The following CHRM2 variants were observed in gnomAD, a reference collection of about 807,000 sequenced individuals.
The protein encoded by CHRM2 is cholinergic receptor muscarinic 2, also known as muscarinic acetylcholine receptor M2.
Under a neutral mutation model 25.0 loss-of-function variants are expected in CHRM2, and 8 were observed. That is an observed-to-expected ratio of 0.32 (90% CI 0.19 to 0.58). The LOEUF is 0.58. Ranked by LOEUF, CHRM2 falls within the 20% of genes least tolerant of loss-of-function variation. CHRM2 has a pLI of 0.88. For synonymous variants in CHRM2, 202 were observed against 205.7 expected (o/e 0.98, Z 0.15); for missense variants, 440 against 567.1 (o/e 0.78, Z 2.28).
chr7:137,010,122 T>C (rs974700186), intron 3 of CHRM2, among the ~76,000 whole-genome samples: 1 of 152,090 alleles, frequency 6.6e-6, no homozygotes, highest in African/African-American at 2.4e-5. Context: ...ATTATTCCTG[T>C]TTGAGAAAAA....
chr7:136,883,655 CTCTT>C (rs1360601286), intron 2 of CHRM2, among the ~76,000 whole-genome samples: 2 of 152,086 alleles, frequency 1.3e-5, no homozygotes, highest in African/African-American at 4.8e-5. Context: ...GCTATAAAAA[CTCTT>C]TCTTTGTTAT....
chr7:136,927,342 T>C (rs1584769336), intron 2 of CHRM2, among the ~76,000 whole-genome samples: 1 of 152,142 alleles, frequency 6.6e-6, no homozygotes, highest in African/African-American at 2.4e-5. Flanking sequence ...TATGTGACCT[T>C]AGATAAATTG....
intron 2 of CHRM2, among the ~76,000 whole-genome samples, chr7:136,880,118 A>G (rs528793223): frequency 5.4e-4 from 81 of 151,102 alleles, no homozygotes; most frequent in Middle Eastern, 3.4e-3. Flanking sequence ...CTTAGTGCGT[A>G]AGGTTTGTTA....
chr7:136,876,959 T>A (rs1318776463), intron 2 of CHRM2, among the ~76,000 whole-genome samples: 1 of 152,110 alleles, frequency 6.6e-6, no homozygotes, highest in Non-Finnish European at 1.5e-5. Flanking sequence ...GACACTTTAT[T>A]CCTCTTGTAA....
chr7:136,970,108 G>A (rs182690159), intron 2 of CHRM2, among the ~76,000 whole-genome samples: 1 of 152,138 alleles, frequency 6.6e-6, no homozygotes, highest in Non-Finnish European at 1.5e-5. Flanking sequence ...CATTCCAAAT[G>A]CCCCATCTCA....
At chr7:136,952,832 T>C (rs1800494345) in intron 2 of CHRM2, among the ~76,000 whole-genome samples, 1 of 152,198 alleles carries the variant, frequency 6.6e-6, no homozygotes, top group Non-Finnish European at 1.5e-5. Context: ...TTTGGTTTTC[T>C]GTTTCTGTGT....
At chr7:136,959,672 G>T (rs952246628) in intron 2 of CHRM2, among the ~76,000 whole-genome samples, 6 of 152,166 alleles carry the variant, frequency 3.9e-5, no homozygotes, top group African/African-American at 1.4e-4. Context: ...CAATACTTTG[G>T]GAGGCCGAGG....
chr7:136,938,490 C>T, intron 2 of CHRM2: 1 of 1,062,846 alleles, frequency 9.4e-7, no homozygotes, highest in East Asian at 2.4e-5. Flanking sequence ...TGTTGGGGTT[C>T]ACCTCTAGGA....
At chr7:136,985,623 G>A (rs573618487) in intron 2 of CHRM2, among the ~76,000 whole-genome samples, 2 of 151,202 alleles carry the variant, frequency 1.3e-5, no homozygotes, top group East Asian at 1.9e-4. Context: ...CATTTCAATC[G>A]TCCAAGATTA....
chr7:136,978,591 T>A (rs1310636863), intron 2 of CHRM2, among the ~76,000 whole-genome samples: 1 of 152,138 alleles, frequency 6.6e-6, no homozygotes, highest in East Asian at 1.9e-4. Flanking sequence ...CCTAATGCTA[T>A]CCCTTCCCTT....
chr7:136,947,615 T>A (rs1179354327), intron 2 of CHRM2, among the ~76,000 whole-genome samples: 2 of 152,214 alleles, frequency 1.3e-5, no homozygotes, highest in African/African-American at 4.8e-5. Context: ...TGCTAGGAAT[T>A]CTTCCTGTCT....
chr7:136,912,319 C>G (rs1234075233), intron 2 of CHRM2, among the ~76,000 whole-genome samples: 1 of 151,872 alleles, frequency 6.6e-6, no homozygotes, highest in Non-Finnish European at 1.5e-5. Context: ...TATTGAGTAC[C>G]TATCATGAGT....
chr7:136,880,992 A>T (rs952312700), intron 2 of CHRM2, among the ~76,000 whole-genome samples: 3 of 151,450 alleles, frequency 2.0e-5, no homozygotes, highest in Non-Finnish European at 4.4e-5. Context: ...TTTAACTTTT[A>T]CATAAGGTCA....
intron 2 of CHRM2, chr7:136,908,117 G>T (rs1797654019): frequency 6.6e-6 from 1 of 151,848 alleles, no homozygotes; most frequent in Admixed American, 6.6e-5. Flanking sequence ...CATGTTTAAG[G>T]ACTTAGTATG....
intron 2 of CHRM2, among the ~76,000 whole-genome samples, chr7:136,986,741 C>A (rs1162483742): frequency 6.6e-6 from 1 of 152,120 alleles, no homozygotes; most frequent in Non-Finnish European, 1.5e-5. Flanking sequence ...AAGCCGTATT[C>A]CTAAGCAGAT....
At chr7:136,897,935 A>G (rs1796994194) in intron 2 of CHRM2, among the ~76,000 whole-genome samples, 1 of 152,096 alleles carries the variant, frequency 6.6e-6, no homozygotes, top group South Asian at 2.1e-4. Flanking sequence ...TCTAATCTCT[A>G]TGCCCATTTC....
Position 137,014,977 on chromosome 7 carries a change from A to G in CHRM2, c.112A>G (p.Ile38Val). The G allele has an allele frequency of 6.2e-7, 1 of 1,613,320 alleles. No individual in the cohort carries two copies. The highest frequency in any genetic ancestry group is 8.5e-7 in the Non-Finnish European group (1 of 1,179,558). ...LVAGSLSLVT[I>V]IGNILVMVSI... is the part of the protein sequence containing the mutation. ...GGCTGGATCCCTCAGTTTGGTGACC[A>G]TTATCGGGAACATCCTAGTCATGGT... The change falls in exon 4 of 4, where the codon ATT becomes GTT. Residue 38 changes from isoleucine to valine, a missense_variant. Coordinates refer to ENST00000680005, the MANE Select transcript of CHRM2 (RefSeq NM_001006630.2).
rs1175305368 is a variant in CHRM2 at position 136,875,094 on chromosome 7, TACACATATATACATATATAC to T, written c.-125+5696_-125+5715del. ...ATATATATACACATATATACATATA[TACACATATATACATATATAC>T]ACACATATATACATATATATACACA... On this transcript the variant is annotated intron_variant, in intron 2 of 3. Coordinates refer to ENST00000680005, the MANE Select transcript of CHRM2 (RefSeq NM_001006630.2). Among the ~76,000 whole-genome samples the T allele has an allele frequency of 1.9e-3, 284 of 147,556 alleles. 1 individual carries two copies. Among genetic ancestry groups the T allele is most frequent in the African/African-American group, 6.8e-3 (275 of 40,582 alleles).
Position 137,015,491 on chromosome 7 carries a change from T to C in CHRM2, c.626T>C (p.Ile209Thr), listed in dbSNP as rs1805111369. 6.2e-7 allele frequency: 1 copy of C among 1,613,262 alleles called. No individual in the cohort carries two copies. Among genetic ancestry groups the C allele is most frequent in the Non-Finnish European group, 8.5e-7 (1 of 1,179,622 alleles). Reference protein sequence around the residue: ...VIIMTVLYWHISRASKSRIKK... With the variant: ...VIIMTVLYWHTSRASKSRIKK... ...ATCATGACTGTGCTATATTGGCACA[T>C]ATCCCGAGCCAGCAAGAGCAGGATA... The change falls in exon 4 of 4, where the codon ATA becomes ACA. Residue 209 changes from isoleucine to threonine, a missense_variant. This residue lies in a region of CHRM2 where 261 missense variants were observed against 261.8 expected (regional missense o/e 1.00). Coordinates refer to ENST00000680005, the MANE Select transcript of CHRM2 (RefSeq NM_001006630.2). The surrounding 1 kb of genome is among the most constrained non-coding windows in gnomAD (Gnocchi z 5.1).
Sources: gnomAD v4.1 joint callset for allele counts (sites outside exome capture counted in the v4.1 genomes callset) on GRCh38, gnomAD v4.1.1 for gene constraint, gnomAD v4.1.1 regional missense constraint, Gnocchi (gnomAD v3.1) non-coding constraint, MANE v1.5 for transcripts, NCBI Gene and HGNC (gene_info 2026-07-23, HGNC 2026-07-21) for gene names.